ZBTB21: variants seen among roughly 807,000 people sequenced by gnomAD.
The protein encoded by ZBTB21 is zinc finger and BTB domain-containing protein 21.
Under a neutral mutation model 39.8 loss-of-function variants are expected in ZBTB21, and 10 were observed. The ratio of observed to expected loss-of-function variants is 0.25; its 90% confidence interval spans 0.16 to 0.43. ZBTB21 has a LOEUF of 0.43. ZBTB21 is among the 20% of genes least tolerant of loss of function. The probability of loss-of-function intolerance (pLI) is 1.00; values close to 1 mark genes in which losing one functional copy is unlikely to be tolerated. For synonymous variants in ZBTB21, 551 were observed against 498.8 expected (o/e 1.10, Z -1.40); for missense variants, 1,221 against 1,296.3 (o/e 0.94, Z 0.89).
rs1279615970 is a variant in ZBTB21, at chr21:41,997,211, T to C, written c.-13-3103A>G. On this transcript the variant is annotated intron_variant, in intron 2 of 2. Coordinates refer to ENST00000310826, the MANE Select transcript of ZBTB21 (RefSeq NM_001098402.2). ...TGTTGGGATTACAGGCATGAACCAC[T>C]GAGCCTGGCCAAGAGACCTTTAAAA... 2.6e-5 allele frequency among the ~76,000 whole-genome samples: 4 copies of C among 152,266 alleles called. No homozygotes were observed. In the East Asian group the frequency reaches 7.7e-4, roughly 29 times the overall value.
At chr21:42,003,628 G>A (rs781377181) in intron 1 of ZBTB21, among the ~76,000 whole-genome samples, 1 of 152,152 alleles carries the variant, frequency 6.6e-6, no homozygotes, top group Non-Finnish European at 1.5e-5. Context: ...GATGCACAAA[G>A]GAAAGGCTCA....
intron 1 of ZBTB21, among the ~76,000 whole-genome samples, chr21:42,003,189 C>T (rs370901771): frequency 1.4e-4 from 22 of 152,214 alleles, no homozygotes; most frequent in African/African-American, 4.6e-4. Context: ...ACAGAAGAGG[C>T]AACATGTTTG....
In ZBTB21 at chr21:41,994,050, G is replaced by A. The variant is rs1298401147; in HGVS notation, c.46C>T (p.Leu16Phe). The A allele has an allele frequency of 6.2e-7, 1 of 1,613,412 alleles. No homozygotes were observed. Among genetic ancestry groups the A allele is most frequent in the Non-Finnish European group, 8.5e-7 (1 of 1,179,718 alleles). Residue 16 changes from leucine to phenylalanine, a missense_variant, in exon 3 of 3, where the codon CTC becomes TTC. Transcript: ENST00000310826. ...CGCTCCTCATTCAGGGCACTTAGGA[G>A]AGAAATGGCGTGTGCAGGGTTGATG... ...HYINPAHAIS[L>F]LSALNEERLK...
chr21:42,002,666 T>C (rs966201333), intron 2 of ZBTB21: 1 of 152,150 alleles, frequency 6.6e-6, no homozygotes, highest in African/African-American at 2.4e-5. Context: ...ATCTTACACA[T>C]AAACACGCAC....
Position 41,991,005 on chromosome 21 carries a change from C to T in ZBTB21, c.3091G>A (p.Ala1031Thr), listed in dbSNP as rs748116197. ...PQESDTLFYH[A>T]PPLSAITFKR... ...AATGTGATTGCTGAAAGGGGTGGGG[C>T]ATGGTAAAAAAGGGTGTCTGATTCT... Residue 1031 changes from alanine to threonine, a missense_variant, in exon 3 of 3, where the codon GCC becomes ACC. By Grantham distance (58) the Ala-to-Thr change is moderately conservative (BLOSUM62 0). Around this residue, in one of 4 missense-constraint regions of ZBTB21, gnomAD observed 523 missense variants for 542.5 expected, o/e 0.96. Transcript: ENST00000310826. This position sits in a 1 kb window ranked among gnomAD's most constrained non-coding sequence, Gnocchi z 4.9. The T allele has an allele frequency of 6.4e-7, 1 of 1,562,672 alleles. No homozygotes were observed. Among genetic ancestry groups the T allele is most frequent in the Non-Finnish European group, 8.6e-7 (1 of 1,156,840 alleles).
At chr21:41,997,634 TAA>T (rs2065766916) in intron 2 of ZBTB21, among the ~76,000 whole-genome samples, 1 of 151,352 alleles carries the variant, frequency 6.6e-6, no homozygotes, top group Non-Finnish European at 1.5e-5. Context: ...TGTTGAAGAA[TAA>T]GTTTGTTTTC....
chr21:41,992,453 C>A lies in ZBTB21; in HGVS notation c.1643G>T (p.Cys548Phe). 2 of 1,614,038 alleles carry A rather than the reference C, an allele frequency of 1.2e-6. No homozygotes were observed. Among genetic ancestry groups the A allele is most frequent in the South Asian group, 2.2e-5 (2 of 91,050 alleles). ...TCTAAAGATCTTAAGGCAATGTTTGCATTTAAATTTTTTGTTTGGTCTCGT... is the reference window on the plus strand; with the variant it reads ...TCTAAAGATCTTAAGGCAATGTTTGAATTTAAATTTTTTGTTTGGTCTCGT... The part of the protein sequence containing the change: ...EGTRPNKKFK[C>F]KHCLKIFRST... The change falls in exon 3 of 3, where the codon TGC becomes TTC. Residue 548 changes from cysteine (C) to phenylalanine (F), a missense_variant. Coordinates refer to ENST00000310826, the MANE Select transcript of ZBTB21 (RefSeq NM_001098402.2). This position sits in a 1 kb window ranked among gnomAD's most constrained non-coding sequence, Gnocchi z 4.1.
At position 41,993,591 on chromosome 21, in the gene ZBTB21, C is replaced by T. The variant is rs779713054; in HGVS notation, c.505G>A (p.Asp169Asn). The T allele has an allele frequency of 5.0e-5, 81 of 1,614,102 alleles. No homozygotes were observed. Among genetic ancestry groups the T allele is most frequent in the African/African-American group, 2.9e-4 (22 of 74,938 alleles). Residue 169 changes from aspartate to asparagine, a missense_variant, in exon 3 of 3, where the codon GAT becomes AAT. Around this residue, in one of 4 missense-constraint regions of ZBTB21, gnomAD observed 500 missense variants for 465.6 expected, o/e 1.07. Coordinates refer to ENST00000310826, the MANE Select transcript of ZBTB21 (RefSeq NM_001098402.2). ...GAGGGCCGGGAAGTATGGCTTACAT[C>T]GGGTTGATTTTGACTAACAGTTTTT... Reference protein sequence around the residue: ...QGKTVSQNQPDVSHTSRPSPS... With the variant: ...QGKTVSQNQPNVSHTSRPSPS...
Position 41,994,253 on chromosome 21 carries a change from C to T in ZBTB21, c.-13-145G>A, listed in dbSNP as rs1301114367. ...AACAGAAGCTCTATGAATGAACAAT[C>T]TTATTTAAATAATGGTGAAAATGTA... On this transcript the variant is annotated intron_variant, in intron 2 of 2. Coordinates refer to ENST00000310826, the MANE Select transcript of ZBTB21 (RefSeq NM_001098402.2). 4 of 608,978 alleles carry T rather than the reference C, an allele frequency of 6.6e-6. No homozygotes were observed. The East Asian group carries it at 9.2e-5, about 14-fold the overall frequency. 37.7% of individuals were successfully genotyped at this position (608,978 alleles called of 1,614,324 possible). A position where few individuals can be genotyped will look rare whatever the true frequency, so the allele number is the denominator to read the frequency against.
At position 41,988,653 on chromosome 21, in the gene ZBTB21, T is replaced by C. The variant is rs187273184; in HGVS notation, c.*2242A>G. 1 of 152,280 alleles carries C rather than the reference T, an allele frequency of 6.6e-6. No homozygotes were observed. Among genetic ancestry groups the C allele is most frequent in the East Asian group, 1.9e-4 (1 of 5,192 alleles). 9.4% of individuals were successfully genotyped at this position (152,280 alleles called of 1,614,324 possible). ...CATTATAAATGTTTTTGGTTCAAAA[T>C]TTTATTTGAAATCTTATATTCCTTG... On this transcript the variant is annotated 3_prime_UTR_variant, in exon 3 of 3. Transcript: ENST00000310826.
At chr21:42,009,840 CG>C (rs948678871) in intron 1 of ZBTB21, among the ~76,000 whole-genome samples, 5 of 152,138 alleles carry the variant, frequency 3.3e-5, no homozygotes, top group African/African-American at 9.6e-5. Context: ...AACCCCTGCC[CG>C]GAACAGGAGA....
In ZBTB21 at chr21:41,993,555, C is replaced by T. The variant is rs909574651; in HGVS notation, c.541G>A (p.Ala181Thr). 5 of 1,614,116 alleles carry T rather than the reference C, an allele frequency of 3.1e-6. No homozygotes were observed. The African/African-American group carries it at 6.7e-5, about 22-fold the overall frequency. Residue 181 changes from alanine to threonine, a missense_variant, in exon 3 of 3, where the codon GCA (alanine) becomes ACA (threonine). By Grantham distance (58) the Ala-to-Thr change is moderately conservative. This residue lies in a region of ZBTB21 where 500 missense variants were observed against 465.6 expected (regional missense o/e 1.07). Coordinates refer to ENST00000310826, the MANE Select transcript of ZBTB21 (RefSeq NM_001098402.2). ...SHTSRPSPSI[A>T]VKANTNKPHV... ...GGCTTATTGGTATTGGCCTTGACTGCAATGCTAGGAGAGGGCCGGGAAGTA... is the reference window on the plus strand; with the variant it reads ...GGCTTATTGGTATTGGCCTTGACTGTAATGCTAGGAGAGGGCCGGGAAGTA...
rs1056702399 is a variant in ZBTB21, at chr21:41,988,744, T to G, written c.*2151A>C. 2.0e-5 allele frequency: 3 copies of G among 151,570 alleles called. No individual in the cohort carries two copies. The highest frequency in any genetic ancestry group is 7.3e-5 in the African/African-American group (3 of 41,364). 9.4% of individuals were successfully genotyped at this position (151,570 alleles called of 1,614,324 possible). On this transcript the variant is annotated 3_prime_UTR_variant, in exon 3 of 3. Coordinates refer to ENST00000310826, the MANE Select transcript of ZBTB21 (RefSeq NM_001098402.2). ...AAATCTAACAGATATGCAGAACCTATGTTTAGATCAAAAATATTTTTTTTT... is the reference window on the plus strand; with the variant it reads ...AAATCTAACAGATATGCAGAACCTAGGTTTAGATCAAAAATATTTTTTTTT...
intron 1 of ZBTB21, among the ~76,000 whole-genome samples, chr21:42,008,540 C>CAAAAAAAAAAAAAAAAA (rs68176203): frequency 9.0e-4 from 54 of 60,284 alleles, no homozygotes; most frequent in East Asian, 1.1e-3. Flanking sequence ...GAAACTCTGT[C>CAAAAAAAAAAAAAAAAA]AAAAAAAAAA....
intron 1 of ZBTB21, among the ~76,000 whole-genome samples, chr21:42,008,966 T>C (rs2065919487): frequency 6.6e-6 from 1 of 152,220 alleles, no homozygotes; most frequent in South Asian, 2.1e-4. Flanking sequence ...GAAATCTTTC[T>C]AAAATGGATT....
At chr21:42,008,387 G>A (rs995042420) in intron 1 of ZBTB21, among the ~76,000 whole-genome samples, 4 of 147,550 alleles carry the variant, frequency 2.7e-5, no homozygotes, top group Non-Finnish European at 6.0e-5. Flanking sequence ...GCGATGTGGC[G>A]GAAGCCTGTA....
rs377113278 is a variant in ZBTB21 at position 41,991,696 on chromosome 21, C to T, written c.2400G>A (p.Gln800=). 1 of 1,613,864 alleles carries T rather than the reference C, an allele frequency of 6.2e-7. No homozygotes were observed. The highest frequency in any genetic ancestry group is 8.5e-7 in the Non-Finnish European group (1 of 1,180,016). ...AGTTTTCGGTGGGTGCCATGTTGTT[C>T]TGATTATGGACTTCAACCTGGTGCC... The part of the protein sequence containing the change: ...IWRHQVEVHN[Q]NNMAPTENFS... Residue 800 remains glutamine, a synonymous_variant, in exon 3 of 3, where the codon CAG becomes CAA. Transcript: ENST00000310826. The surrounding 1 kb of genome is among the most constrained non-coding windows in gnomAD (Gnocchi z 4.9).
At chr21:42,006,684 C>T (rs2065883013) in intron 1 of ZBTB21, among the ~76,000 whole-genome samples, 1 of 152,126 alleles carries the variant, frequency 6.6e-6, no homozygotes, top group African/African-American at 2.4e-5. Flanking sequence ...CCCACTCTTC[C>T]CTCCCAAATT....
In ZBTB21 at chr21:41,990,841, C is replaced by A. The variant is rs2065639924; in HGVS notation, c.*54G>T. On this transcript the variant is annotated 3_prime_UTR_variant, in exon 3 of 3. Coordinates refer to ENST00000310826, the MANE Select transcript of ZBTB21 (RefSeq NM_001098402.2). ...ATTTTGTTTCTTATGACACATTTCA[C>A]AATTCAGGTTGAAATCTGGGGACTG... 3 of 1,382,332 alleles carry A rather than the reference C, an allele frequency of 2.2e-6. No individual in the cohort carries two copies. In the South Asian group the frequency reaches 6.4e-5, roughly 30 times the overall value. 85.6% of individuals were successfully genotyped at this position (1,382,332 alleles called of 1,614,324 possible). A position where few individuals can be genotyped will look rare whatever the true frequency, so the allele number is the denominator to read the frequency against.
Sources: allele counts gnomAD v4.1 joint callset (sites outside exome capture counted in the v4.1 genomes callset), GRCh38; gene constraint gnomAD v4.1.1; regional missense constraint gnomAD v4.1.1; non-coding constraint Gnocchi (gnomAD v3.1); transcripts MANE v1.5; gene names NCBI Gene and HGNC (gene_info 2026-07-23, HGNC 2026-07-21).